AGBL5: variants seen among roughly 807,000 people sequenced by gnomAD.
AGBL5 encodes the protein AGBL carboxypeptidase 5.
A neutral mutation model predicts 88.0 loss-of-function variants in AGBL5; 51 were observed. That is an observed-to-expected ratio of 0.58 (90% CI 0.46 to 0.73). The LOEUF is 0.73. Ranked by LOEUF, AGBL5 falls within the 30% of genes least tolerant of loss-of-function variation. The probability of loss-of-function intolerance (pLI) is 0.00; values close to 1 mark genes in which losing one functional copy is unlikely to be tolerated. For missense variants in AGBL5, 1,031 were observed against 1,162.2 expected, an observed-to-expected ratio of 0.89 and a Z score of 1.64; for synonymous variants, 446 against 438.8, an observed-to-expected ratio of 1.02 and a Z score of -0.21.
At position 27,061,681 on chromosome 2, in the gene AGBL5, G is replaced by A. The variant is rs1469019701; in HGVS notation, c.2089+2277G>A. On this transcript the variant is annotated intron_variant, in intron 11 of 14. Coordinates refer to ENST00000360131, the MANE Select transcript of AGBL5 (RefSeq NM_021831.6). ...TTGCACCCAACCTCATTCTTTTTTG[G>A]TCAGCCTCTTCTAGCTCTTAACTCA... 4 of 152,054 alleles carry A rather than the reference G, an allele frequency of 2.6e-5. No homozygotes were observed. The East Asian group carries it at 7.7e-4, about 29-fold the overall frequency. The allele number at this position is 152,054 out of a possible 1,614,324, so 9.4% of individuals were successfully genotyped here.
At position 27,054,686 on chromosome 2, in the gene AGBL5, T is replaced by G. The variant is rs201705280; in HGVS notation, c.608T>G (p.Leu203Arg). 6.8e-6 allele frequency: 11 copies of G among 1,614,112 alleles called. No individual in the cohort carries two copies. Among genetic ancestry groups the G allele is most frequent in the Admixed American group, 3.3e-5 (2 of 60,016 alleles). Residue 203 changes from leucine to arginine, a missense_variant, in exon 5 of 15, where the codon CTT (leucine) becomes CGT (arginine). Leu to Arg is a moderately radical substitution (Grantham distance 102). This residue lies in a region of AGBL5 where 540 missense variants were observed against 678.2 expected (regional missense o/e 0.80). Coordinates refer to ENST00000360131, the MANE Select transcript of AGBL5 (RefSeq NM_021831.6). ...CTCCTTTGCTATTCTCTGGATGGAC[T>G]TCGTGTAGATCTGCTGACGATCACT... ...RELLCYSLDG[L>R]RVDLLTITSC...
upstream of AGBL5, among the ~76,000 whole-genome samples, chr2:27,051,205 G>C (rs72808941): frequency 1.3e-5 from 2 of 152,164 alleles, no homozygotes; most frequent in African/African-American, 2.4e-5. Flanking sequence ...AAAGAACTAA[G>C]CAGCAGGCGG....
intron 11 of AGBL5, chr2:27,062,999 A>C (rs1458119268): frequency 2.0e-5 from 3 of 152,272 alleles, no homozygotes; most frequent in African/African-American, 7.2e-5. Context: ...AGACTGTGTA[A>C]GACACTGTCT....
In AGBL5 at chr2:27,055,732, C is replaced by G. The variant is rs1257011238; in HGVS notation, c.959C>G (p.Ala320Gly). Residue 320 changes from alanine (A) to glycine (G), a missense_variant, in exon 7 of 15, where the codon GCC becomes GGC. Physicochemically the swap from Ala to Gly is moderately conservative, Grantham distance 60. Coordinates refer to ENST00000360131, the MANE Select transcript of AGBL5 (RefSeq NM_021831.6). ...AACCGTCAGTACCTGAAGCCTGATG[C>G]CGTCCTGCACCCGGCCATCTATGGG... is the stretch of plus-strand genomic sequence containing the variant. Reference protein sequence around the residue: ...NLNRQYLKPDAVLHPAIYGAK... With the variant: ...NLNRQYLKPDGVLHPAIYGAK... 4 of 1,614,154 alleles carry G rather than the reference C, an allele frequency of 2.5e-6. No individual in the cohort carries two copies. The Admixed American group carries it at 6.7e-5, about 27-fold the overall frequency.
At chr2:27,058,152 G>T (rs1187640849) in intron 9 of AGBL5, among the ~76,000 whole-genome samples, 1 of 152,070 alleles carries the variant, frequency 6.6e-6, no homozygotes, top group Non-Finnish European at 1.5e-5. Context: ...ATTCCTTCAT[G>T]GCACCAGCCA....
At chr2:27,057,207 C>T in intron 8 of AGBL5, 96 bp from the exon 9 acceptor site, 7 of 1,371,764 alleles carry the variant, frequency 5.1e-6, no homozygotes, top group Middle Eastern at 1.9e-4. Context: ...CACTTTTTTC[C>T]AAGTGATTGC....
At chr2:27,055,396 G>A in intron 6 of AGBL5, 143 bp downstream of exon 6, 3 of 1,166,258 alleles carry the variant, frequency 2.6e-6, no homozygotes, top group Non-Finnish European at 3.6e-6. Flanking sequence ...ATCTTCCTGA[G>A]AAAGCATGAG....
chr2:27,054,175 C>T (rs967508848), intron 4 of AGBL5, 116 bp downstream of exon 4: 1 of 1,295,774 alleles, frequency 7.7e-7, no homozygotes, highest in African/African-American at 1.5e-5. Context: ...TTTTTCTGTA[C>T]AGAATGTACA....
rs180830616 is a variant in AGBL5 at position 27,054,540 on chromosome 2, C to T, written c.552-90C>T. 5.0e-5 allele frequency: 66 copies of T among 1,307,742 alleles called. No homozygotes were observed. In the African/African-American group the frequency reaches 6.5e-4, roughly 13 times the overall value. 81.0% of individuals were successfully genotyped at this position (1,307,742 alleles called of 1,614,324 possible). On this transcript the variant is annotated intron_variant, in intron 4 of 14. Coordinates refer to ENST00000360131, the MANE Select transcript of AGBL5 (RefSeq NM_021831.6). ...GGCCCCAAAGGTTAGGGTGAAGGACCAGATTTTACAGATCCTGGGCTGGTG... is the reference window on the plus strand; with the variant it reads ...GGCCCCAAAGGTTAGGGTGAAGGACTAGATTTTACAGATCCTGGGCTGGTG...
Position 27,063,392 on chromosome 2 carries a change from G to C in AGBL5, c.2089+3988G>C, listed in dbSNP as rs557469974. Among the ~76,000 whole-genome samples, 8 of 152,172 alleles carry C rather than the reference G, an allele frequency of 5.3e-5. No individual in the cohort carries two copies. The East Asian group carries it at 1.5e-3, about 29-fold the overall frequency. ...CAGATCACGAGGTCTCGAGGAGATC[G>C]AGACCGTCCTGGCTAACATGGTGAA... On this transcript the variant is annotated intron_variant, in intron 11 of 14. Transcript: ENST00000360131.
chr2:27,059,618 G>A, intron 11 of AGBL5: 2 of 1,164,132 alleles, frequency 1.7e-6, no homozygotes, highest in Non-Finnish European at 2.4e-6. Flanking sequence ...GGGAAGTCTG[G>A]GTATCTGGGC....
upstream of AGBL5, chr2:27,051,305 C>T (rs534504193): frequency 6.6e-6 from 1 of 152,234 alleles, no homozygotes; most frequent in Non-Finnish European, 1.5e-5. Flanking sequence ...TTGCGTCCGT[C>T]ACACTACAGA....
Position 27,056,582 on chromosome 2 carries a change from T to C in AGBL5, c.1366-41T>C, listed in dbSNP as rs370061004. 4.5e-6 allele frequency: 7 copies of C among 1,554,298 alleles called. No individual in the cohort carries two copies. In the African/African-American group the frequency reaches 8.2e-5, roughly 18 times the overall value. Reference sequence around the variant, plus strand: ...CTATCTCTTCCTTGCACCTTGTCCCTTCTGTCTCTCCTTCTGAGTTGACTT... The same window carrying C: ...CTATCTCTTCCTTGCACCTTGTCCCCTCTGTCTCTCCTTCTGAGTTGACTT... On this transcript the variant is annotated intron_variant, in intron 7 of 14. Coordinates refer to ENST00000360131, the MANE Select transcript of AGBL5 (RefSeq NM_021831.6).
In AGBL5 at chr2:27,053,887, G is replaced by C. The variant is rs747968599; in HGVS notation, c.388-9G>C. 9 of 1,609,726 alleles carry C rather than the reference G, an allele frequency of 5.6e-6. No homozygotes were observed. In the Admixed American group the frequency reaches 8.4e-5, roughly 15 times the overall value. On this transcript the variant is annotated splice_polypyrimidine_tract_variant and intron_variant, in intron 3 of 14. Coordinates refer to ENST00000360131, the MANE Select transcript of AGBL5 (RefSeq NM_021831.6). This position sits in a 1 kb window ranked among gnomAD's most constrained non-coding sequence, Gnocchi z 4.9. The stretch of plus-strand genomic sequence containing the variant: ...TGTTGCCCCTCCCTCTTCCTCCTCT[G>C]CTCTTCAGATGACAGAGACGCAGTT...
chr2:27,067,617 G>T lies in AGBL5; in HGVS notation c.2213G>T (p.Cys738Phe). 6.2e-7 allele frequency: 1 copy of T among 1,614,044 alleles called. No homozygotes were observed. Residue 738 changes from cysteine (C) to phenylalanine (F), a missense_variant, in exon 12 of 15, where the codon TGT becomes TTT. Around this residue, in one of 2 missense-constraint regions of AGBL5, gnomAD observed 491 missense variants for 484.0 expected, o/e 1.01. Transcript: ENST00000360131. ...GPASSHKLGS[C>F]LLPDSFNIPG... Reference sequence around the variant, plus strand: ...GCCTCCTCACACAAGCTGGGCTCCTGTCTACTGCCTGATTCATTCAACATA... The same window carrying T: ...GCCTCCTCACACAAGCTGGGCTCCTTTCTACTGCCTGATTCATTCAACATA...
intron 11 of AGBL5, among the ~76,000 whole-genome samples, chr2:27,065,974 T>C (rs533584053): frequency 5.8e-4 from 88 of 152,254 alleles, no homozygotes; most frequent in Admixed American, 1.2e-3. Flanking sequence ...CCTTTAGATC[T>C]TCAAGCCCAG....
intron 11 of AGBL5, chr2:27,061,041 A>C (rs1226211511): frequency 6.6e-6 from 1 of 151,952 alleles, no homozygotes. Flanking sequence ...AAATCTGCTT[A>C]AAGTTTTTCT....
At chr2:27,067,719 G>C (rs764136684) in intron 12 of AGBL5, 73 bp downstream of exon 12, 1 of 1,563,590 alleles carries the variant, frequency 6.4e-7, no homozygotes, top group Non-Finnish European at 8.8e-7. Context: ...TTTAAGCCTA[G>C]TTGGGAGACC....
In AGBL5 at chr2:27,054,729, A is replaced by G. The variant is rs750226488; in HGVS notation, c.651A>G (p.Arg217=). Residue 217 remains arginine, a synonymous_variant, in exon 5 of 15, where the codon CGA becomes CGG. Transcript: ENST00000360131. ...LLTITSCHGL[R]EDREPRLEQL... ...CGATCACTTCCTGCCATGGGCTTCGAGAAGATCGAGAGCCCCGTCTAGAGC... is the reference window on the plus strand; with the variant it reads ...CGATCACTTCCTGCCATGGGCTTCGGGAAGATCGAGAGCCCCGTCTAGAGC... 1.2e-6 allele frequency: 2 copies of G among 1,613,916 alleles called. No individual in the cohort carries two copies. Among genetic ancestry groups the G allele is most frequent in the African/African-American group, 1.3e-5 (1 of 74,974 alleles).
Sources: gnomAD v4.1 joint callset for allele counts (sites outside exome capture counted in the v4.1 genomes callset) on GRCh38, gnomAD v4.1.1 for gene constraint, gnomAD v4.1.1 regional missense constraint, Gnocchi (gnomAD v3.1) non-coding constraint, MANE v1.5 for transcripts, NCBI Gene and HGNC (gene_info 2026-07-23, HGNC 2026-07-21) for gene names.